The following NENF variants were observed in gnomAD, a reference collection of about 807,000 sequenced individuals.
NENF encodes neudesin.
NENF carries 6 observed loss-of-function variants against 14.8 expected under a neutral mutation model. The observed-to-expected ratio is 0.40, with a 90% CI of 0.22 to 0.80. The LOEUF (loss-of-function observed/expected upper bound fraction) is 0.80. Ranked by LOEUF, NENF falls within the 30% of genes least tolerant of loss-of-function variation. NENF has a pLI of 0.34. For missense variants in NENF, 184 were observed against 212.7 expected, an observed-to-expected ratio of 0.87 and a Z score of 0.84; for synonymous variants, 76 against 95.1, an observed-to-expected ratio of 0.80 and a Z score of 1.17.
chr1:212,439,856 TC>T lies in NENF; in HGVS notation c.178-2700del, dbSNP rs1006593334. 5.4e-5 allele frequency among the ~76,000 whole-genome samples: 8 copies of T among 148,682 alleles called. No homozygotes were observed. In the East Asian group the frequency reaches 6.0e-4, roughly 11 times the overall value. ...GCCTGGGCAACCGAGCTAGACTCCG[TC>T]CCCCCCCCACAAAAAAAGAAAAGAG... is the stretch of plus-strand genomic sequence containing the variant. On this transcript the variant is annotated intron_variant, in intron 1 of 3. Transcript: ENST00000366988.
chr1:212,437,735 T>G (rs532263369), intron 1 of NENF, among the ~76,000 whole-genome samples: 19 of 152,348 alleles, frequency 1.2e-4, no homozygotes, highest in African/African-American at 2.9e-4. Flanking sequence ...CTGGATCTAC[T>G]GCACCAAGAG....
intron 1 of NENF, among the ~76,000 whole-genome samples, chr1:212,442,013 CTGATTTTCTTTTTTTTG>C (rs1662705905): frequency 6.6e-6 from 1 of 152,050 alleles, no homozygotes; most frequent in Non-Finnish European, 1.5e-5. Flanking sequence ...GCTTCTGTTC[CTGATTTTCTTTTTTTTG>C]AGACGGAGTC....
Position 212,432,940 on chromosome 1 carries a change from C to T in NENF, c.-4C>T. 1.3e-6 allele frequency: 1 copy of T among 790,026 alleles called. No individual in the cohort carries two copies. The highest frequency in any genetic ancestry group is 1.6e-6 in the Non-Finnish European group (1 of 630,804). The allele number at this position is 790,026 out of a possible 1,614,324, so 48.9% of individuals were successfully genotyped here. A position where few individuals can be genotyped will look rare whatever the true frequency, so the allele number is the denominator to read the frequency against. The stretch of plus-strand genomic sequence containing the variant: ...CCGGCCTTGCCTTGCGCTGCGCGCT[C>T]ACCATGGTGGGCCCCGCGCCGCGGC... On this transcript the variant is annotated 5_prime_UTR_variant, in exon 1 of 4. Coordinates refer to ENST00000366988, the MANE Select transcript of NENF (RefSeq NM_013349.5).
Position 212,446,014 on chromosome 1 carries a change from C to G in NENF, c.*8C>G, listed in dbSNP as rs1473060653. ...ATCAAGGATGAGTTCTGATGTTCCC[C>G]CTGCAGGAGCAGGTTCTTGGGAGCG... On this transcript the variant is annotated 3_prime_UTR_variant, in exon 4 of 4. Transcript: ENST00000366988. 1 of 1,613,914 alleles carries G rather than the reference C, an allele frequency of 6.2e-7. No homozygotes were observed. The highest frequency in any genetic ancestry group is 1.7e-5 in the Admixed American group (1 of 60,026).
At chr1:212,443,235 T>C (rs1347073503) in intron 2 of NENF, among the ~76,000 whole-genome samples, 1 of 152,208 alleles carries the variant, frequency 6.6e-6, no homozygotes, top group African/African-American at 2.4e-5. Context: ...AGTAAAGAGT[T>C]GGCATTATAG....
At chr1:212,445,710 T>G in intron 3 of NENF, 120 bp from the exon 4 acceptor site, 44 of 970,766 alleles carry the variant, frequency 4.5e-5, no homozygotes, top group Non-Finnish European at 6.3e-5. Context: ...TTTGGTTTGT[T>G]GAGATATCTT....
chr1:212,433,306 G>T lies in NENF; in HGVS notation c.177+186G>T, dbSNP rs1378771653. Among the ~76,000 whole-genome samples the T allele has an allele frequency of 6.6e-6, 1 of 152,026 alleles. No individual in the cohort carries two copies. Among genetic ancestry groups the T allele is most frequent in the Non-Finnish European group, 1.5e-5 (1 of 67,960 alleles). On this transcript the variant is annotated intron_variant, in intron 1 of 3. Coordinates refer to ENST00000366988, the MANE Select transcript of NENF (RefSeq NM_013349.5). The surrounding 1 kb of genome is among the most constrained non-coding windows in gnomAD (Gnocchi z 5.5). ...CGAAGGATGGCCGAGGGGTGAGGAC[G>T]AGTCCTCAACAGTCGGAGCGCTCCG...
intron 3 of NENF, 124 bp downstream of exon 3, chr1:212,444,566 T>G: frequency 3.3e-6 from 1 of 306,710 alleles, no homozygotes; most frequent in Non-Finnish European, 4.8e-6. Context: ...TGTGTGTGTG[T>G]GTATCTGGGC....
At chr1:212,442,409 A>C in intron 1 of NENF, 156 bp from the exon 2 acceptor site, 1 of 630,252 alleles carries the variant, frequency 1.6e-6, no homozygotes, top group Non-Finnish European at 2.9e-6. Flanking sequence ...CTGCCCAGGC[A>C]GGTGGCAAGC....
chr1:212,444,268 C>G, intron 2 of NENF, 71 bp from the exon 3 acceptor site: 2 of 1,011,084 alleles, frequency 2.0e-6, no homozygotes, highest in Non-Finnish European at 2.8e-6. Flanking sequence ...TGGGAGCGCC[C>G]CCACGTGCAA....
At chr1:212,438,402 A>T (rs1162512783) in intron 1 of NENF, among the ~76,000 whole-genome samples, 1 of 152,232 alleles carries the variant, frequency 6.6e-6, no homozygotes, top group African/African-American at 2.4e-5. Context: ...GACAGGTATG[A>T]GTCTGAATCC....
chr1:212,445,441 G>A (rs967135580), intron 3 of NENF, among the ~76,000 whole-genome samples: 5 of 152,128 alleles, frequency 3.3e-5, no homozygotes, highest in African/African-American at 1.2e-4. Flanking sequence ...AAAGGGGAAG[G>A]TGCCAAATGT....
chr1:212,445,664 C>T (rs1287613834), intron 3 of NENF, among the ~76,000 whole-genome samples, 166 bp from the exon 4 acceptor site: 1 of 151,892 alleles, frequency 6.6e-6, no homozygotes, highest in African/African-American at 2.4e-5. Flanking sequence ...CCCACGCCCC[C>T]CCCACAGCAG....
In NENF at chr1:212,433,061, CG is replaced by C. The variant is rs1476048124; in HGVS notation, c.123del (p.Pro43GlnfsTer26). 1.3e-5 allele frequency: 15 copies of C among 1,193,456 alleles called. No individual in the cohort carries two copies. The African/African-American group carries it at 1.6e-4, about 13-fold the overall frequency. The allele number at this position is 1,193,456 out of a possible 1,614,324, so 73.9% of individuals were successfully genotyped here. A position where few individuals can be genotyped will look rare whatever the true frequency, so the allele number is the denominator to read the frequency against. On this transcript the variant is annotated frameshift_variant, in exon 1 of 4. Coordinates refer to ENST00000366988, the MANE Select transcript of NENF (RefSeq NM_013349.5). LOFTEE classifies it high-confidence loss of function. This position sits in a 1 kb window ranked among gnomAD's most constrained non-coding sequence, Gnocchi z 5.5. Reference protein sequence around the residue: ...RAGQTPRPAERGPPVRLFTEE... With the variant: ...RAGQTPRPAEXGPPVRLFTEE... ...CGGGCAGACACCGCGCCCTGCCGAG[CG>C]GGGGCCCCCAGTGCGGCTTTTCACC...
chr1:212,432,928 G>A lies in NENF; in HGVS notation c.-16G>A, dbSNP rs1231937082. 11 of 682,842 alleles carry A rather than the reference G, an allele frequency of 1.6e-5. No homozygotes were observed. The highest frequency in any genetic ancestry group is 1.1e-4 in the Admixed American group (2 of 18,124). The allele number at this position is 682,842 out of a possible 1,614,324, so 42.3% of individuals were successfully genotyped here. A position where few individuals can be genotyped will look rare whatever the true frequency, so the allele number is the denominator to read the frequency against. ...CGCCGCCCTGGCCCGGCCTTGCCTT[G>A]CGCTGCGCGCTCACCATGGTGGGCC... On this transcript the variant is annotated 5_prime_UTR_variant, in exon 1 of 4. Coordinates refer to ENST00000366988, the MANE Select transcript of NENF (RefSeq NM_013349.5).
Position 212,433,742 on chromosome 1 carries a change from A to AC in NENF, c.177+629dup, listed in dbSNP as rs1379377188. On this transcript the variant is annotated intron_variant, in intron 1 of 3. Transcript: ENST00000366988. This position sits in a 1 kb window ranked among gnomAD's most constrained non-coding sequence, Gnocchi z 5.5. ...ACCCCCCCGCCACACGTCAATAGAG[A>AC]CCCCCCCGCCCACACACACCCACAC... 8.1e-5 allele frequency among the ~76,000 whole-genome samples: 12 copies of AC among 148,120 alleles called. No homozygotes were observed. The highest frequency in any genetic ancestry group is 2.2e-4 in the South Asian group (1 of 4,648).
intron 3 of NENF, among the ~76,000 whole-genome samples, chr1:212,445,186 C>T (rs915786914): frequency 2.2e-4 from 34 of 151,314 alleles, no homozygotes; most frequent in African/African-American, 6.8e-4. Flanking sequence ...ATCCAGGGGG[C>T]GGAGGTTACA....
chr1:212,445,780 A>G (rs1662768946), intron 3 of NENF, 50 bp from the exon 4 acceptor site: 1 of 1,597,478 alleles, frequency 6.3e-7, no homozygotes, highest in Non-Finnish European at 8.6e-7. Context: ...AGTGCCAAAC[A>G]CTATCCACTT....
intron 1 of NENF, among the ~76,000 whole-genome samples, chr1:212,437,590 G>C (rs1662629065): frequency 2.0e-5 from 3 of 152,084 alleles, no homozygotes. Flanking sequence ...ACATCCCACT[G>C]TGTGGTTCAA....
Sources: gnomAD v4.1 joint callset for allele counts (sites outside exome capture counted in the v4.1 genomes callset) on GRCh38, gnomAD v4.1.1 for gene constraint, Gnocchi (gnomAD v3.1) non-coding constraint, MANE v1.5 for transcripts, NCBI Gene and HGNC (gene_info 2026-07-23, HGNC 2026-07-21) for gene names.